The following RAB6A variants were observed in gnomAD, a reference collection of about 807,000 sequenced individuals.
RAB6A encodes the protein RAB6A, member RAS oncogene family.
In RAB6A, 8 loss-of-function variants were observed where a neutral mutation model predicts 32.3. That is an observed-to-expected ratio of 0.25 (90% CI 0.15 to 0.45). The LOEUF is 0.45. RAB6A is among the 20% of genes least tolerant of loss of function. The pLI, the probability that RAB6A is intolerant of heterozygous loss-of-function variation, is 1.00. For missense variants in RAB6A, 104 were observed against 249.4 expected (o/e 0.42, Z 3.93); for synonymous variants, 73 against 82.1 (o/e 0.89, Z 0.60).
chr11:73,743,581 C>G (rs528726829), intron 1 of RAB6A, among the ~76,000 whole-genome samples: 1 of 151,614 alleles, frequency 6.6e-6, no homozygotes, highest in Non-Finnish European at 1.5e-5. Flanking sequence ...GAGACAGGAT[C>G]ACTGCAGCCT....
intron 6 of RAB6A, among the ~76,000 whole-genome samples, chr11:73,703,875 C>T (rs34375414): frequency 0.039 from 5,863 of 151,670 alleles, 153 homozygotes; most frequent in Middle Eastern, 0.071. Flanking sequence ...TATAAAAATA[C>T]AAAAATTGGC....
At chr11:73,737,258 G>A (rs1946412552) in intron 1 of RAB6A, among the ~76,000 whole-genome samples, 1 of 152,176 alleles carries the variant, frequency 6.6e-6, no homozygotes, top group African/African-American at 2.4e-5. Context: ...GGAGGCTGAG[G>A]AGGATCGAGT....
intron 2 of RAB6A, among the ~76,000 whole-genome samples, chr11:73,723,375 G>A (rs1342940427): frequency 6.6e-6 from 1 of 151,768 alleles, no homozygotes; most frequent in Non-Finnish European, 1.5e-5. Flanking sequence ...ACCCAGGCTG[G>A]AGTGCAGTGG....
chr11:73,760,627 C>G lies in RAB6A; in HGVS notation c.9G>C (p.Thr3=), dbSNP rs759760424. Residue 3 remains threonine (T), a synonymous_variant, in exon 1 of 8, where the codon ACG becomes ACC. Coordinates refer to ENST00000336083, the MANE Select transcript of RAB6A (RefSeq NM_198896.2). MS[T]GGDFGNPLRK... ...TCAGCGGATTCCCGAAGTCTCCGCCCGTGGACATTGTGGAACTAGAGGAGC... is the reference window on the plus strand; with the variant it reads ...TCAGCGGATTCCCGAAGTCTCCGCCGGTGGACATTGTGGAACTAGAGGAGC... 29 of 1,610,310 alleles carry G rather than the reference C, an allele frequency of 1.8e-5. No homozygotes were observed. The African/African-American group carries it at 3.7e-4, about 21-fold the overall frequency.
rs145821971 is a variant in RAB6A at position 73,685,930 on chromosome 11, A to G, written c.496-6210T>C. On this transcript the variant is annotated intron_variant, in intron 6 of 7. Coordinates refer to ENST00000336083, the MANE Select transcript of RAB6A (RefSeq NM_198896.2). ...AAAAGCAGCTTTATTTCTACCAGAG[A>G]CAATAACTCTATCAGAGATAAATGA... Among the ~76,000 whole-genome samples the G allele has an allele frequency of 5.8e-3, 869 of 149,170 alleles. 11 individuals are homozygous for G. The highest frequency in any genetic ancestry group is 0.02 in the African/African-American group (832 of 40,762).
At chr11:73,757,110 TATATATATATATATA>T (rs1946764349) in intron 1 of RAB6A, among the ~76,000 whole-genome samples, 1 of 40,256 alleles carries the variant, frequency 2.5e-5, no homozygotes, top group Non-Finnish European at 5.0e-5. Context: ...TATATATATA[TATATATATATATATA>T]TATATTTTTT....
intron 1 of RAB6A, among the ~76,000 whole-genome samples, chr11:73,742,140 G>A (rs770233196): frequency 5.4e-4 from 82 of 152,112 alleles, no homozygotes; most frequent in Non-Finnish European, 9.9e-4. Context: ...AAATTAGCTG[G>A]GTGTGGTGGT....
At chr11:73,724,484 G>GCT (rs1946186721) in intron 2 of RAB6A, among the ~76,000 whole-genome samples, 1 of 123,364 alleles carries the variant, frequency 8.1e-6, no homozygotes, top group African/African-American at 3.1e-5. Context: ...AATGCATTTC[G>GCT]TTTTTTTTTT....
intron 5 of RAB6A, among the ~76,000 whole-genome samples, chr11:73,715,324 C>T (rs1946036664): frequency 6.6e-6 from 1 of 152,106 alleles, no homozygotes; most frequent in African/African-American, 2.4e-5. Context: ...CGGGATTTCA[C>T]CATCTTGGCC....
At chr11:73,707,125 G>GAAAAA (rs397744539) in intron 6 of RAB6A, among the ~76,000 whole-genome samples, 24 of 116,228 alleles carry the variant, frequency 2.1e-4, no homozygotes, top group Middle Eastern at 4.3e-3. Context: ...TCTCAAAAAA[G>GAAAAA]AAAAAAAAAA....
intron 1 of RAB6A, among the ~76,000 whole-genome samples, 160 bp downstream of exon 1, chr11:73,760,406 G>C (rs1447216135): frequency 1.3e-5 from 2 of 152,112 alleles, no homozygotes; most frequent in Non-Finnish European, 2.9e-5. Flanking sequence ...GGCCACTGGC[G>C]AAGAGCCAGT....
At chr11:73,742,474 A>G (rs1054219647) in intron 1 of RAB6A, among the ~76,000 whole-genome samples, 8 of 152,134 alleles carry the variant, frequency 5.3e-5, no homozygotes, top group Non-Finnish European at 1.2e-4. Context: ...GCTGCAGATA[A>G]GAAAGATACA....
intron 6 of RAB6A, chr11:73,704,257 C>T: frequency 5.3e-6 from 2 of 378,284 alleles, no homozygotes; most frequent in Non-Finnish European, 1.1e-5. Context: ...GTGGTGTGTG[C>T]CTGTAGTCCC....
chr11:73,716,407 G>A, intron 4 of RAB6A, 45 bp from the exon 5 acceptor site: 2 of 1,462,632 alleles, frequency 1.4e-6, no homozygotes, highest in Non-Finnish European at 1.9e-6. Flanking sequence ...GCTGAAAAAT[G>A]CCTCCCCAGG....
chr11:73,686,977 T>C (rs943115128), intron 6 of RAB6A, among the ~76,000 whole-genome samples: 2 of 151,976 alleles, frequency 1.3e-5, no homozygotes, highest in Non-Finnish European at 2.9e-5. Context: ...ACAACCCACG[T>C]GCTATATATG....
chr11:73,678,720 G>A (rs1945305762), intron 7 of RAB6A, among the ~76,000 whole-genome samples: 1 of 134,566 alleles, frequency 7.4e-6, no homozygotes, highest in Non-Finnish European at 1.6e-5. Flanking sequence ...TTATGTTGTT[G>A]TTGTGTTTTT....
chr11:73,741,795 A>G (rs540197719), intron 1 of RAB6A, among the ~76,000 whole-genome samples: 33 of 152,226 alleles, frequency 2.2e-4, no homozygotes, highest in Non-Finnish European at 4.3e-4. Flanking sequence ...TATTCTGGAA[A>G]AGACAAAAAG....
intron 1 of RAB6A, among the ~76,000 whole-genome samples, chr11:73,738,158 T>A (rs969575326): frequency 1.3e-5 from 2 of 151,936 alleles, no homozygotes; most frequent in African/African-American, 4.8e-5. Flanking sequence ...TGTTATTTTT[T>A]ATTTATTTTT....
chr11:73,710,266 C>T (rs190244049), intron 5 of RAB6A, among the ~76,000 whole-genome samples: 25 of 151,092 alleles, frequency 1.7e-4, no homozygotes, highest in Admixed American at 1.1e-3. Context: ...GCGCCCGGCC[C>T]CCATGCTTAT....
Sources: gnomAD v4.1 joint callset for allele counts (sites outside exome capture counted in the v4.1 genomes callset) on GRCh38, gnomAD v4.1.1 for gene constraint, MANE v1.5 for transcripts, NCBI Gene and HGNC (gene_info 2026-07-23, HGNC 2026-07-21) for gene names.